The following GCLM variants were observed in gnomAD, a reference collection of about 807,000 sequenced individuals.
GCLM encodes the protein glutamate-cysteine ligase modifier subunit, also known as glutamate--cysteine ligase regulatory subunit.
In GCLM, 15 loss-of-function variants were observed where a neutral mutation model predicts 36.0. The observed-to-expected ratio is 0.42, with a 90% CI of 0.28 to 0.64. GCLM has a LOEUF of 0.64. Ranked by LOEUF, GCLM falls within the 30% of genes least tolerant of loss-of-function variation. The probability of loss-of-function intolerance (pLI) is 0.25; values close to 1 mark genes in which losing one functional copy is unlikely to be tolerated. For missense variants in GCLM, 242 were observed against 325.5 expected (o/e 0.74, Z 1.97); for synonymous variants, 129 against 122.8 (o/e 1.05, Z -0.34).
At chr1:93,897,623 A>G (rs375054335) in intron 4 of GCLM, among the ~76,000 whole-genome samples, 7 of 152,156 alleles carry the variant, frequency 4.6e-5, no homozygotes, top group African/African-American at 1.7e-4. Flanking sequence ...ATTTAAGTAC[A>G]TTACACCTTT....
chr1:93,897,498 A>G (rs576915961), intron 4 of GCLM, among the ~76,000 whole-genome samples: 20 of 151,784 alleles, frequency 1.3e-4, no homozygotes, highest in Non-Finnish European at 2.8e-4. Flanking sequence ...AAAAACAGAT[A>G]TACTTGGATT....
chr1:93,908,426 T>C (rs1657226520), intron 1 of GCLM, among the ~76,000 whole-genome samples: 1 of 152,240 alleles, frequency 6.6e-6, no homozygotes, highest in South Asian at 2.1e-4. Context: ...TGTACAATGA[T>C]ATTGTTACAT....
At position 93,909,325 on chromosome 1, in the gene GCLM, G is replaced by C. The variant is rs868831657; in HGVS notation, c.-162C>G. 1 of 1,036,040 alleles carries C rather than the reference G, an allele frequency of 9.7e-7. No homozygotes were observed. The highest frequency in any genetic ancestry group is 8.9e-5 in the East Asian group (1 of 11,250). The allele number at this position is 1,036,040 out of a possible 1,614,324, so 64.2% of individuals were successfully genotyped here. A position where few individuals can be genotyped will look rare whatever the true frequency, so the allele number is the denominator to read the frequency against. The stretch of plus-strand genomic sequence containing the variant: ...TGGAGCCTGGTCTGCGCTCGGGCCC[G>C]AGGGAGGCCGGACGGCGGCTGGGCG... On this transcript the variant is annotated 5_prime_UTR_variant, in exon 1 of 7. Coordinates refer to ENST00000370238, the MANE Select transcript of GCLM (RefSeq NM_002061.4).
intron 1 of GCLM, chr1:93,908,750 G>A (rs572388986): frequency 7.1e-5 from 17 of 238,282 alleles, no homozygotes; most frequent in African/African-American, 3.8e-4. Context: ...GCCAGGAAGA[G>A]GGACCCAGGA....
rs948957276 is a variant in GCLM at position 93,897,825 on chromosome 1, C to G, written c.337+14G>C. ...AAGTCCACTATTAAGATAAAAAATT[C>G]AGTTTTTGCTTACCCATGTCAACTG... On this transcript the variant is annotated intron_variant, in intron 4 of 6. Transcript: ENST00000370238. 2.7e-6 allele frequency: 4 copies of G among 1,455,930 alleles called. No individual in the cohort carries two copies. The African/African-American group carries it at 4.3e-5, about 16-fold the overall frequency. 90.2% of individuals were successfully genotyped at this position (1,455,930 alleles called of 1,614,324 possible). A position where few individuals can be genotyped will look rare whatever the true frequency, so the allele number is the denominator to read the frequency against.
At chr1:93,907,605 C>A (rs990175629) in intron 1 of GCLM, among the ~76,000 whole-genome samples, 3 of 152,042 alleles carry the variant, frequency 2.0e-5, no homozygotes, top group Non-Finnish European at 4.4e-5. Flanking sequence ...TATCAATATA[C>A]GTGCAAAATT....
chr1:93,892,887 A>G (rs1656586066), intron 6 of GCLM, among the ~76,000 whole-genome samples: 1 of 152,184 alleles, frequency 6.6e-6, no homozygotes, highest in African/African-American at 2.4e-5. Flanking sequence ...CTGTTAGAAG[A>G]GCCTCCAAAA....
rs1656278932 is a variant in GCLM at position 93,885,707 on chromosome 1, CTGAA to C, written c.*3279_*3282del. 6.6e-6 allele frequency: 1 copy of C among 152,158 alleles called. No homozygotes were observed. The highest frequency in any genetic ancestry group is 2.1e-4 in the South Asian group (1 of 4,830). 9.4% of individuals were successfully genotyped at this position (152,158 alleles called of 1,614,324 possible). A position where few individuals can be genotyped will look rare whatever the true frequency, so the allele number is the denominator to read the frequency against. ...TCATTAAAACAAGCTTCACATTTCT[CTGAA>C]TGCATATTTTGCAGAAGGATGAACT... is the stretch of plus-strand genomic sequence containing the variant. On this transcript the variant is annotated 3_prime_UTR_variant, in exon 7 of 7. Transcript: ENST00000370238.
Position 93,897,891 on chromosome 1 carries a change from C to T in GCLM, c.285G>A (p.Leu95=). The stretch of plus-strand genomic sequence containing the variant: ...ATGAAGAGTTTGATTCTACAATGAA[C>T]AGTTTTGCTGGGTAACAAAGAAAAC... ...EREEMKVSAK[L]FIVESNSSSS... The change falls in exon 4 of 7, where the codon CTG becomes CTA. Residue 95 remains leucine (L), a synonymous_variant. Coordinates refer to ENST00000370238, the MANE Select transcript of GCLM (RefSeq NM_002061.4). 3.2e-6 allele frequency: 5 copies of T among 1,546,358 alleles called. No homozygotes were observed. Among genetic ancestry groups the T allele is most frequent in the Non-Finnish European group, 4.3e-6 (5 of 1,154,308 alleles).
At chr1:93,893,183 T>C (rs889447306) in intron 6 of GCLM, among the ~76,000 whole-genome samples, 32 of 152,298 alleles carry the variant, frequency 2.1e-4, no homozygotes, top group African/African-American at 7.2e-4. Flanking sequence ...AATCCAAGAC[T>C]TAGGCCAAGT....
chr1:93,905,770 G>A (rs1316061006), intron 1 of GCLM, among the ~76,000 whole-genome samples: 6 of 152,052 alleles, frequency 3.9e-5, no homozygotes, highest in Admixed American at 2.6e-4. Flanking sequence ...GTCATAAAGC[G>A]GTATTTATGC....
chr1:93,893,437 G>T (rs1192357028), intron 6 of GCLM, among the ~76,000 whole-genome samples: 1 of 152,144 alleles, frequency 6.6e-6, no homozygotes, highest in Non-Finnish European at 1.5e-5. Flanking sequence ...CTAATAAATA[G>T]TATAAAGTCT....
chr1:93,901,579 C>CT lies in GCLM; in HGVS notation c.277+5dup, dbSNP rs754992214. On this transcript the variant is annotated splice_donor_region_variant and intron_variant, in intron 3 of 6. Transcript: ENST00000370238. The stretch of plus-strand genomic sequence containing the variant: ...AACAAAATAAACAGAAAAGACTGGA[C>CT]TTTACCAGAAACTTTCATTTCTTCT... The CT allele has an allele frequency of 6.9e-7, 1 of 1,454,870 alleles. No individual in the cohort carries two copies. Among genetic ancestry groups the CT allele is most frequent in the Non-Finnish European group, 9.6e-7 (1 of 1,038,604 alleles). 90.1% of individuals were successfully genotyped at this position (1,454,870 alleles called of 1,614,324 possible). A position where few individuals can be genotyped will look rare whatever the true frequency, so the allele number is the denominator to read the frequency against.
At chr1:93,896,301 G>A (rs1656730940) in intron 5 of GCLM, among the ~76,000 whole-genome samples, 1 of 152,142 alleles carries the variant, frequency 6.6e-6, no homozygotes, top group African/African-American at 2.4e-5. Context: ...CAGCACATAA[G>A]TAGAACTGAA....
chr1:93,894,669 CA>C lies in GCLM; in HGVS notation c.599del (p.Leu200Ter), dbSNP rs1557727746. 1.2e-6 allele frequency: 2 copies of C among 1,612,320 alleles called. No individual in the cohort carries two copies. The highest frequency in any genetic ancestry group is 8.5e-7 in the Non-Finnish European group (1 of 1,178,606). The part of the protein sequence containing the change: ...LASCCVMPPD[L>X]TAFAKQFDIQ... Reference sequence around the variant, plus strand: ...TGTCAAATTGTTTAGCAAATGCAGTCAAATCTGGTGGCATCACACAGCAGGA... The same window carrying C: ...TGTCAAATTGTTTAGCAAATGCAGTCAATCTGGTGGCATCACACAGCAGGA... On this transcript the variant is annotated frameshift_variant, in exon 6 of 7. Transcript: ENST00000370238. LOFTEE classifies it high-confidence loss of function.
intron 4 of GCLM, among the ~76,000 whole-genome samples, 155 bp from the exon 5 acceptor site, chr1:93,896,975 TTCTA>T (rs1255278559): frequency 1.3e-5 from 2 of 152,246 alleles, no homozygotes; most frequent in African/African-American, 4.8e-5. Context: ...TTTAGAACAT[TTCTA>T]TCTTTCAAAA....
chr1:93,905,079 G>A (rs1385319387), intron 1 of GCLM, among the ~76,000 whole-genome samples: 4 of 149,124 alleles, frequency 2.7e-5, no homozygotes, highest in Non-Finnish European at 5.9e-5. Context: ...GCTGAGGCAG[G>A]ACAATTTTGC....
chr1:93,896,285 T>C (rs1656730312), intron 5 of GCLM, among the ~76,000 whole-genome samples: 1 of 152,166 alleles, frequency 6.6e-6, no homozygotes, highest in Non-Finnish European at 1.5e-5. Flanking sequence ...TAGGTATTAT[T>C]GTTTTCAGCA....
intron 3 of GCLM, among the ~76,000 whole-genome samples, chr1:93,899,426 A>C (rs917559961): frequency 6.6e-6 from 1 of 152,154 alleles, no homozygotes; most frequent in South Asian, 2.1e-4. Flanking sequence ...AATTTTGAAG[A>C]GTGTCATTTA....
Sources: allele counts gnomAD v4.1 joint callset (sites outside exome capture counted in the v4.1 genomes callset), GRCh38; gene constraint gnomAD v4.1.1; transcripts MANE v1.5; gene names NCBI Gene and HGNC (gene_info 2026-07-23, HGNC 2026-07-21).